Variants in CACNB2 observed in about 807,000 individuals in gnomAD.
The protein encoded by CACNB2 is calcium voltage-gated channel auxiliary subunit beta 2.
In CACNB2, 42 loss-of-function variants were observed where a neutral mutation model predicts 73.3. That is an observed-to-expected ratio of 0.57 (90% CI 0.45 to 0.74). The LOEUF is 0.74. Among genes scored for constraint, CACNB2 ranks in the 30% least tolerant of loss-of-function variants. The probability of loss-of-function intolerance (pLI) is 0.00; values close to 1 mark genes in which losing one functional copy is unlikely to be tolerated. For missense variants in CACNB2, 940 were observed against 853.0 expected, an observed-to-expected ratio of 1.10 and a Z score of -1.27; for synonymous variants, 348 against 310.3, an observed-to-expected ratio of 1.12 and a Z score of -1.28.
intron 2 of CACNB2, among the ~76,000 whole-genome samples, chr10:18,187,507 T>C (rs1434106091): frequency 6.6e-6 from 1 of 152,194 alleles, no homozygotes; most frequent in East Asian, 1.9e-4. Context: ...TAAAAGTGAC[T>C]GTGTTAGTAA....
chr10:18,301,878 A>G (rs2039530544), intron 2 of CACNB2, among the ~76,000 whole-genome samples: 1 of 151,660 alleles, frequency 6.6e-6, no homozygotes. Context: ...CGATCTCCTG[A>G]CCTCGTGATC....
At chr10:18,161,282 A>C (rs1430705644) in intron 2 of CACNB2, among the ~76,000 whole-genome samples, 1 of 152,184 alleles carries the variant, frequency 6.6e-6, no homozygotes, top group East Asian at 1.9e-4. Context: ...CAAGCCTGAC[A>C]TCTCCATTAA....
At chr10:18,341,955 G>A (rs10458703) in intron 2 of CACNB2, among the ~76,000 whole-genome samples, 17,360 of 152,018 alleles carry the variant, frequency 0.11, 1,108 homozygotes, top group East Asian at 0.2. Context: ...ATTAAGTATT[G>A]TACGTGACAA....
chr10:18,329,664 G>A (rs1322082425), intron 2 of CACNB2, among the ~76,000 whole-genome samples: 1 of 152,128 alleles, frequency 6.6e-6, no homozygotes, highest in Non-Finnish European at 1.5e-5. Flanking sequence ...AGAAATTAAT[G>A]AGATGAGATC....
chr10:18,443,143 G>A (rs1004670584), intron 3 of CACNB2, among the ~76,000 whole-genome samples: 11 of 150,916 alleles, frequency 7.3e-5, no homozygotes, highest in African/African-American at 1.2e-4. Flanking sequence ...TGACTGAGTC[G>A]TGAAGTTTTT....
chr10:18,539,545 C>T lies in CACNB2; in HGVS notation c.1804C>T (p.His602Tyr), dbSNP rs538643709. Reference sequence around the variant, plus strand: ...GACCCACGGGAGCAGTGACCACAGACACAGGGAGTCCCGGCACCGTTCCCG... The same window carrying T: ...GACCCACGGGAGCAGTGACCACAGATACAGGGAGTCCCGGCACCGTTCCCG... The part of the protein sequence containing the change: ...DETHGSSDHR[H>Y]RESRHRSRDV... Residue 602 changes from histidine (H) to tyrosine (Y), a missense_variant, in exon 14 of 14, where the codon CAC (histidine) becomes TAC (tyrosine). Coordinates refer to ENST00000324631, the MANE Select transcript of CACNB2 (RefSeq NM_201596.3). 2.5e-6 allele frequency: 4 copies of T among 1,613,814 alleles called. No homozygotes were observed. The highest frequency in any genetic ancestry group is 2.7e-5 in the African/African-American group (2 of 74,908).
chr10:18,233,533 A>G (rs2036306170), intron 2 of CACNB2, among the ~76,000 whole-genome samples: 3 of 152,112 alleles, frequency 2.0e-5, no homozygotes, highest in Non-Finnish European at 4.4e-5. Context: ...ATTTTTTAAA[A>G]ACTAGGTACT....
At chr10:18,177,262 C>A (rs146149122) in intron 2 of CACNB2, among the ~76,000 whole-genome samples, 1 of 152,038 alleles carries the variant, frequency 6.6e-6, no homozygotes, top group Non-Finnish European at 1.5e-5. Flanking sequence ...AAAACAAACA[C>A]GTGCCTCAGT....
chr10:18,258,634 G>C (rs2037386366), intron 2 of CACNB2, among the ~76,000 whole-genome samples: 1 of 152,166 alleles, frequency 6.6e-6, no homozygotes, highest in Admixed American at 6.5e-5. Flanking sequence ...CCTGAGGAAG[G>C]AGAATCACTT....
At chr10:18,288,771 G>A (rs993420625) in intron 2 of CACNB2, among the ~76,000 whole-genome samples, 7 of 151,770 alleles carry the variant, frequency 4.6e-5, no homozygotes, top group East Asian at 1.9e-4. Flanking sequence ...TCTGCCAGGC[G>A]CGGTGCCTCA....
chr10:18,192,373 G>T (rs987121944), intron 2 of CACNB2, among the ~76,000 whole-genome samples: 24 of 151,236 alleles, frequency 1.6e-4, no homozygotes, highest in African/African-American at 5.1e-4. Context: ...TTAGAGACAG[G>T]GTCTCCCTTT....
At chr10:18,238,012 C>A (rs1026649822) in intron 2 of CACNB2, among the ~76,000 whole-genome samples, 5 of 152,176 alleles carry the variant, frequency 3.3e-5, no homozygotes, top group African/African-American at 1.2e-4. Context: ...TGGAGCATAT[C>A]CTAGTTTGGA....
intron 2 of CACNB2, chr10:18,260,758 G>C: frequency 5.0e-6 from 5 of 998,768 alleles, no homozygotes; most frequent in Non-Finnish European, 6.0e-6. Context: ...GAGCAGCCGC[G>C]GGAGCAGGAA....
chr10:18,192,990 C>T (rs866732333), intron 2 of CACNB2, among the ~76,000 whole-genome samples: 1 of 152,048 alleles, frequency 6.6e-6, no homozygotes, highest in African/African-American at 2.4e-5. Flanking sequence ...GTTTTCAATC[C>T]TTTTGGATAT....
intron 2 of CACNB2, among the ~76,000 whole-genome samples, chr10:18,277,820 G>A (rs1423374705): frequency 2.6e-5 from 4 of 152,012 alleles, no homozygotes; most frequent in Admixed American, 6.5e-5. Flanking sequence ...ATGAGACATC[G>A]CTTTCATTTT....
chr10:18,521,852 C>A (rs2051919784), intron 9 of CACNB2, among the ~76,000 whole-genome samples: 1 of 152,172 alleles, frequency 6.6e-6, no homozygotes, highest in Admixed American at 6.5e-5. Flanking sequence ...ACATTCCTTT[C>A]CTCCTCCCAT....
At chr10:18,241,974 A>G (rs1375350497) in intron 2 of CACNB2, among the ~76,000 whole-genome samples, 1 of 152,068 alleles carries the variant, frequency 6.6e-6, no homozygotes, top group Non-Finnish European at 1.5e-5. Context: ...CTATTCAATT[A>G]CGTATATAGT....
At chr10:18,504,603 T>C (rs575967572) in intron 5 of CACNB2, among the ~76,000 whole-genome samples, 5 of 152,156 alleles carry the variant, frequency 3.3e-5, no homozygotes, top group Admixed American at 2.6e-4. Flanking sequence ...GAAAATACTT[T>C]TACTTGCTTT....
intron 2 of CACNB2, among the ~76,000 whole-genome samples, chr10:18,185,735 G>A (rs772939774): frequency 4.6e-5 from 7 of 152,112 alleles, no homozygotes; most frequent in Non-Finnish European, 8.8e-5. Context: ...TCCCATTTGC[G>A]TAGCTTTCTT....
Sources: allele counts gnomAD v4.1 joint callset (sites outside exome capture counted in the v4.1 genomes callset), GRCh38; gene constraint gnomAD v4.1.1; transcripts MANE v1.5; gene names NCBI Gene and HGNC (gene_info 2026-07-23, HGNC 2026-07-21).